ENDOV: variants seen among roughly 807,000 people sequenced by gnomAD.
The protein encoded by ENDOV is endonuclease V, also known as hEndoV.
ENDOV carries 37 observed loss-of-function variants against 39.4 expected under a neutral mutation model. The observed-to-expected ratio is 0.94, with a 90% CI of 0.72 to 1.23. The LOEUF (loss-of-function observed/expected upper bound fraction) is 1.23, where lower values mean the gene tolerates loss of function less well. Among genes scored for constraint, ENDOV ranks in the 50% most tolerant of loss-of-function variants. ENDOV has a pLI of 0.00. For missense variants in ENDOV, 441 were observed against 375.7 expected (o/e 1.17, Z -1.44); for synonymous variants, 186 against 163.4 (o/e 1.14, Z -1.05).
At chr17:80,425,199 C>A (rs1370806120) in intron 6 of ENDOV, 99 bp downstream of exon 6, 5 of 1,032,534 alleles carry the variant, frequency 4.8e-6, no homozygotes, top group Non-Finnish European at 5.7e-6. Context: ...CTCACACTTG[C>A]CCACATCAAC....
chr17:80,417,392 G>A (rs958371069), intron 2 of ENDOV: 8 of 152,240 alleles, frequency 5.3e-5, no homozygotes, highest in African/African-American at 1.9e-4. Context: ...CACAAGACGA[G>A]GACTTGTCCC....
Position 80,429,785 on chromosome 17 carries a change from G to C in ENDOV, c.792G>C (p.Ala264=), listed in dbSNP as rs769979099. ...PGPPTPRSPK[A]QRPVACPKGD... ...ATGTCATCACCAGGAGCCCGAAGGC[G>C]CAGAGGCCAGTGGCATGCCCCAAAG... Residue 264 remains alanine, a synonymous_variant, in exon 9 of 10, where the codon GCG becomes GCC. Coordinates refer to ENST00000518137, the MANE Select transcript of ENDOV (RefSeq NM_173627.5). The C allele has an allele frequency of 1.2e-6, 2 of 1,604,042 alleles. No homozygotes were observed. The highest frequency in any genetic ancestry group is 3.3e-4 in the Middle Eastern group (2 of 6,002).
At chr17:80,420,508 G>C (rs2081861199) in intron 2 of ENDOV, 1 of 152,226 alleles carries the variant, frequency 6.6e-6, no homozygotes, top group Non-Finnish European at 1.5e-5. Context: ...CCAACCCTCT[G>C]TGCTAATACA....
intron 2 of ENDOV, chr17:80,420,502 C>T (rs1044833976): frequency 2.0e-5 from 3 of 152,228 alleles, no homozygotes; most frequent in African/African-American, 4.8e-5. Flanking sequence ...TGATCCCCAA[C>T]CCTCTGTGCT....
At position 80,415,278 on chromosome 17, in the gene ENDOV, G is replaced by T. The variant is rs753654280; in HGVS notation, c.56+28G>T. Reference sequence around the variant, plus strand: ...AATGCTGTCAGGCGACGCGCAGGAGGCGGGGGCCGAGGCCGGGCGGCCCTT... The same window carrying T: ...AATGCTGTCAGGCGACGCGCAGGAGTCGGGGGCCGAGGCCGGGCGGCCCTT... On this transcript the variant is annotated intron_variant, in intron 1 of 9. Coordinates refer to ENST00000518137, the MANE Select transcript of ENDOV (RefSeq NM_173627.5). 1.9e-6 allele frequency: 3 copies of T among 1,612,052 alleles called. No homozygotes were observed. The South Asian group carries it at 3.3e-5, about 18-fold the overall frequency.
chr17:80,421,017 G>C (rs1299706060), intron 2 of ENDOV, among the ~76,000 whole-genome samples: 1 of 152,194 alleles, frequency 6.6e-6, no homozygotes, highest in African/African-American at 2.4e-5. Context: ...CCATGGAGGG[G>C]TGGGGTGGGG....
At chr17:80,417,197 C>T (rs1276176502) in intron 2 of ENDOV, 1 of 152,292 alleles carries the variant, frequency 6.6e-6, no homozygotes, top group African/African-American at 2.4e-5. Flanking sequence ...GCCCTCACCA[C>T]TATTCTCAGT....
At position 80,423,588 on chromosome 17, in the gene ENDOV, C is replaced by A; in HGVS notation, c.472C>A (p.Leu158Met). 6.4e-7 allele frequency: 1 copy of A among 1,550,920 alleles called. No homozygotes were observed. The highest frequency in any genetic ancestry group is 2.4e-5 in the East Asian group (1 of 41,054). The change falls in exon 5 of 10, where the codon CTG becomes ATG. Residue 158 changes from leucine to methionine, a missense_variant. Coordinates refer to ENST00000518137, the MANE Select transcript of ENDOV (RefSeq NM_173627.5). ...LPCVGVAKKL[L>M]QVDGLENNAL... is the part of the protein sequence containing the mutation. ...GTGTGTTGGGGTGGCCAAGAAACTT[C>A]TGCAGGTGGATGGGCTGGAGAACAA...
intron 1 of ENDOV, 128 bp downstream of exon 1, chr17:80,415,378 C>A: frequency 8.2e-7 from 1 of 1,225,018 alleles, no homozygotes. Flanking sequence ...AAAGCAAAGC[C>A]CAGTTTCCGG....
chr17:80,431,019 A>T (rs1274688568), intron 9 of ENDOV, among the ~76,000 whole-genome samples: 2 of 152,108 alleles, frequency 1.3e-5, no homozygotes, highest in East Asian at 3.9e-4. Flanking sequence ...TGGCCTCCAG[A>T]TCCCAGGCCC....
intron 9 of ENDOV, among the ~76,000 whole-genome samples, chr17:80,431,257 G>A (rs2083309555): frequency 6.6e-6 from 1 of 152,196 alleles, no homozygotes; most frequent in Non-Finnish European, 1.5e-5. Context: ...AGGTACACAG[G>A]CAGCAGCACT....
At chr17:80,418,485 C>T (rs1293212096) in intron 2 of ENDOV, 1 of 152,198 alleles carries the variant, frequency 6.6e-6, no homozygotes, top group East Asian at 1.9e-4. Flanking sequence ...ACAACCCCAG[C>T]ACCAAGCAAA....
At chr17:80,423,231 G>A (rs977989692) in intron 4 of ENDOV, among the ~76,000 whole-genome samples, 9 of 152,230 alleles carry the variant, frequency 5.9e-5, no homozygotes, top group African/African-American at 1.9e-4. Flanking sequence ...GGAGGTGCAG[G>A]AAATGACCGG....
chr17:80,423,484 CACCTCCCCAA>C, intron 4 of ENDOV, 26 bp from the exon 5 acceptor site: 2 of 1,286,686 alleles, frequency 1.6e-6, no homozygotes, highest in Non-Finnish European at 2.2e-6. Context: ...GCCCCAGCCC[CACCTCCCCAA>C]CCCCACCCTC....
rs894438252 is a variant in ENDOV at position 80,422,212 on chromosome 17, C to T, written c.370C>T (p.Leu124Phe). 1.2e-6 allele frequency: 2 copies of T among 1,613,636 alleles called. No homozygotes were observed. Among genetic ancestry groups the T allele is most frequent in the Non-Finnish European group, 1.7e-6 (2 of 1,179,834 alleles). Residue 124 changes from leucine (L) to phenylalanine (F), a missense_variant, in exon 4 of 10, where the codon CTT (leucine) becomes TTT (phenylalanine). Leu to Phe is a conservative substitution (Grantham distance 22). Coordinates refer to ENST00000518137, the MANE Select transcript of ENDOV (RefSeq NM_173627.5). ...TCTCCCTGTGGCTCCATAGGTCCTT[C>T]TTGTGGATGGAAACGGGGTACTCCA... ...KEPGLMPQVL[L>F]VDGNGVLHHR...
chr17:80,429,705 T>C, intron 8 of ENDOV, 68 bp from the exon 9 acceptor site: 2 of 1,464,786 alleles, frequency 1.4e-6, no homozygotes, highest in East Asian at 2.3e-5. Flanking sequence ...AGACCCCATC[T>C]GGGGTGTGAG....
At chr17:80,420,752 A>G (rs1599340877) in intron 2 of ENDOV, among the ~76,000 whole-genome samples, 2 of 152,208 alleles carry the variant, frequency 1.3e-5, no homozygotes, top group African/African-American at 4.8e-5. Flanking sequence ...TGTGCTCTAA[A>G]CTGCAGCCTC....
chr17:80,416,979 TC>T (rs1444804568), intron 2 of ENDOV: 2 of 152,270 alleles, frequency 1.3e-5, no homozygotes, highest in Non-Finnish European at 1.5e-5. Context: ...GGTCTCCAGC[TC>T]CTGGGCTCAA....
In ENDOV at chr17:80,425,432, G is replaced by C. The variant is rs774138758; in HGVS notation, c.586-60G>C. Reference sequence around the variant, plus strand: ...TGTCAGAGCTCCAGCTGCTGAGGCTGTCCTGACCCTGGTCCCGGTGGCCCA... The same window carrying C: ...TGTCAGAGCTCCAGCTGCTGAGGCTCTCCTGACCCTGGTCCCGGTGGCCCA... On this transcript the variant is annotated intron_variant, in intron 6 of 9. Coordinates refer to ENST00000518137, the MANE Select transcript of ENDOV (RefSeq NM_173627.5). 6 of 1,542,272 alleles carry C rather than the reference G, an allele frequency of 3.9e-6. No individual in the cohort carries two copies. In the African/African-American group the frequency reaches 5.5e-5, roughly 14 times the overall value.
Sources: gnomAD v4.1 joint callset for allele counts (sites outside exome capture counted in the v4.1 genomes callset) on GRCh38, gnomAD v4.1.1 for gene constraint, MANE v1.5 for transcripts, NCBI Gene and HGNC (gene_info 2026-07-23, HGNC 2026-07-21) for gene names.